Variants in XRN1 observed in about 807,000 individuals in gnomAD.
XRN1 encodes the protein strand-exchange protein 1 homolog.
A neutral mutation model predicts 222.3 loss-of-function variants in XRN1; 67 were observed. The observed-to-expected ratio is 0.30, with a 90% confidence interval of 0.25 to 0.37. The LOEUF is 0.37. Among genes scored for constraint, XRN1 ranks in the 10% least tolerant of loss-of-function variants. The pLI, the probability that XRN1 is intolerant of heterozygous loss-of-function variation, is 1.00. For synonymous variants in XRN1, 643 were observed against 652.4 expected (o/e 0.99, Z 0.22); for missense variants, 1,707 against 2,000.2 (o/e 0.85, Z 2.80).
At chr3:142,363,974 T>C (rs1474533394) in intron 29 of XRN1, among the ~76,000 whole-genome samples, 1 of 152,150 alleles carries the variant, frequency 6.6e-6, no homozygotes, top group Non-Finnish European at 1.5e-5. Context: ...GGCAGGAAGA[T>C]TCAAAGAGGA....
At chr3:142,345,205 G>C (rs1312709998) in intron 33 of XRN1, among the ~76,000 whole-genome samples, 1 of 152,156 alleles carries the variant, frequency 6.6e-6, no homozygotes, top group African/African-American at 2.4e-5. Flanking sequence ...TGGGCAGCTG[G>C]TACTACAGAT....
At chr3:142,331,699 T>C (rs1227284154) in intron 36 of XRN1, among the ~76,000 whole-genome samples, 1 of 152,254 alleles carries the variant, frequency 6.6e-6, no homozygotes, top group Admixed American at 6.5e-5. Context: ...AATGATTATC[T>C]ATAACACTAC....
chr3:142,347,103 C>G (rs1206861336), intron 33 of XRN1, 131 bp downstream of exon 33: 17 of 687,700 alleles, frequency 2.5e-5, no homozygotes, highest in Middle Eastern at 4.2e-4. Context: ...TGTGAAAATA[C>G]AAAAAACCAC....
chr3:142,322,482 C>T (rs1397135475), intron 37 of XRN1, among the ~76,000 whole-genome samples: 2 of 151,874 alleles, frequency 1.3e-5, no homozygotes, highest in African/African-American at 2.4e-5. Context: ...AGGTCAGGAG[C>T]GTGAGACTAG....
intron 32 of XRN1, among the ~76,000 whole-genome samples, chr3:142,349,340 C>A (rs1034130400): frequency 2.0e-5 from 3 of 151,990 alleles, no homozygotes; most frequent in Non-Finnish European, 2.9e-5. Flanking sequence ...TACAGCAGTA[C>A]ATTATGGGTG....
In XRN1 at chr3:142,365,100, T is replaced by C; in HGVS notation, c.3341A>G (p.Glu1114Gly). Residue 1114 changes from glutamate (E) to glycine (G), a missense_variant, in exon 29 of 41, where the codon GAA (glutamate) becomes GGA (glycine). Physicochemically the swap from Glu to Gly is moderately conservative, Grantham distance 98 (BLOSUM62 -2). Coordinates refer to ENST00000392981, the MANE Select transcript of XRN1 (RefSeq NM_001282857.2). ...CLFDRVVNVR[E>G]NFSVPVGLRG... ...AAGGCCAACTGGAACTGAGAAGTTT[T>C]CTCTCACATTTACAACACGGTCAAA... 1 of 1,613,628 alleles carries C rather than the reference T, an allele frequency of 6.2e-7. No individual in the cohort carries two copies. Among genetic ancestry groups the C allele is most frequent in the Non-Finnish European group, 8.5e-7 (1 of 1,179,722 alleles).
intron 15 of XRN1, among the ~76,000 whole-genome samples, chr3:142,410,481 T>C (rs934207398): frequency 1.4e-5 from 2 of 146,254 alleles, no homozygotes; most frequent in Admixed American, 7.0e-5. Context: ...TCAGATTCTA[T>C]CTCATGTTTT....
intron 25 of XRN1, among the ~76,000 whole-genome samples, chr3:142,374,732 A>G (rs1479147773): frequency 1.3e-5 from 2 of 152,342 alleles, no homozygotes. Context: ...CTTTTAAAGA[A>G]ATAAGAAAGT....
At chr3:142,347,165 C>T in intron 33 of XRN1, 69 bp downstream of exon 33, 1 of 1,076,174 alleles carries the variant, frequency 9.3e-7, no homozygotes, top group Non-Finnish European at 1.4e-6. Flanking sequence ...TAAATTATAT[C>T]AATAAAATGT....
intron 20 of XRN1, among the ~76,000 whole-genome samples, chr3:142,388,666 T>C (rs2067600996): frequency 6.6e-6 from 1 of 152,210 alleles, no homozygotes; most frequent in Non-Finnish European, 1.5e-5. Flanking sequence ...AAGACAATAA[T>C]AAAGTTTGCT....
chr3:142,352,525 GTTTATATTCCC>G (rs1189238144), intron 32 of XRN1, among the ~76,000 whole-genome samples: 250 of 152,062 alleles, frequency 1.6e-3, no homozygotes, highest in African/African-American at 5.9e-3. Flanking sequence ...TACCATTTAT[GTTTATATTCCC>G]TTTGTAATTT....
rs141970380 is a variant in XRN1 at position 142,316,734 on chromosome 3, A to G, written c.4621+1858T>C. On this transcript the variant is annotated intron_variant, in intron 39 of 40. Coordinates refer to ENST00000392981, the MANE Select transcript of XRN1 (RefSeq NM_001282857.2). ...TGGTTTCCTAATTTTCTTTTAAACTACTGCTTTGTTTTGTTGGAGCATGTA... is the reference window on the plus strand; with the variant it reads ...TGGTTTCCTAATTTTCTTTTAAACTGCTGCTTTGTTTTGTTGGAGCATGTA... Among the ~76,000 whole-genome samples, 176 of 152,240 alleles carry G rather than the reference A, an allele frequency of 1.2e-3. 1 individual carries two copies. The highest frequency in any genetic ancestry group is 4.6e-3 in the Admixed American group (70 of 15,290).
intron 20 of XRN1, among the ~76,000 whole-genome samples, chr3:142,391,747 AAAATATATATAT>A (rs1298965613): frequency 2.4e-4 from 26 of 108,410 alleles, no homozygotes; most frequent in Non-Finnish European, 3.9e-4. Context: ...AAAAAAAAAA[AAAATATATATAT>A]ATATATATAT....
chr3:142,379,478 C>A (rs956716355), intron 23 of XRN1, among the ~76,000 whole-genome samples: 1 of 152,128 alleles, frequency 6.6e-6, no homozygotes, highest in African/African-American at 2.4e-5. Flanking sequence ...GCATGAGAGT[C>A]AGAAAATGAA....
At chr3:142,413,465 A>G (rs2068664647) in intron 14 of XRN1, among the ~76,000 whole-genome samples, 1 of 152,212 alleles carries the variant, frequency 6.6e-6, no homozygotes, top group African/African-American at 2.4e-5. Context: ...GGAGTCTGAC[A>G]CTGCTAAAGA....
chr3:142,393,250 A>G lies in XRN1; in HGVS notation c.2339+4079T>C, dbSNP rs576731968. Among the ~76,000 whole-genome samples, 122 of 147,646 alleles carry G rather than the reference A, an allele frequency of 8.3e-4. No homozygotes were observed. The South Asian group carries it at 0.017, about 21-fold the overall frequency. ...GCCCTTTGTCAGATGAGTAGGTTGC[A>G]AAAATTTTCTCCCATTTTGTAGGTC... is the stretch of plus-strand genomic sequence containing the variant. On this transcript the variant is annotated intron_variant, in intron 20 of 40. Coordinates refer to ENST00000392981, the MANE Select transcript of XRN1 (RefSeq NM_001282857.2).
intron 37 of XRN1, among the ~76,000 whole-genome samples, chr3:142,327,835 C>T (rs1240332000): frequency 6.6e-6 from 1 of 152,086 alleles, no homozygotes; most frequent in Non-Finnish European, 1.5e-5. Context: ...TACTCCCTGC[C>T]CATCCCCCAC....
At chr3:142,444,852 C>A (rs1181481462) in intron 1 of XRN1, among the ~76,000 whole-genome samples, 1 of 152,040 alleles carries the variant, frequency 6.6e-6, no homozygotes, top group East Asian at 1.9e-4. Flanking sequence ...AAAAAATAAT[C>A]ATAATAATCC....
intron 27 of XRN1, among the ~76,000 whole-genome samples, chr3:142,367,240 T>C (rs995505868): frequency 5.3e-5 from 8 of 151,792 alleles, no homozygotes; most frequent in African/African-American, 9.7e-5. Flanking sequence ...TGAGTCGAGA[T>C]TGCACCACTG....
Sources: allele counts gnomAD v4.1 joint callset (sites outside exome capture counted in the v4.1 genomes callset), GRCh38; gene constraint gnomAD v4.1.1; transcripts MANE v1.5; gene names NCBI Gene and HGNC (gene_info 2026-07-23, HGNC 2026-07-21).